Variants in NHSL2 observed in about 807,000 individuals in gnomAD.
NHSL2 encodes NHS-like protein 2.
Under a neutral mutation model 53.4 loss-of-function variants are expected in NHSL2, and 27 were observed. The ratio of observed to expected loss-of-function variants is 0.51; its 90% confidence interval spans 0.37 to 0.70. NHSL2 has a LOEUF of 0.70. Among genes scored for constraint, NHSL2 ranks in the 30% least tolerant of loss-of-function variants. The probability of loss-of-function intolerance (pLI) is 0.00; values close to 1 mark genes in which losing one functional copy is unlikely to be tolerated. For synonymous variants in NHSL2, 408 were observed against 404.1 expected (o/e 1.01, Z -0.12); for missense variants, 892 against 980.1 (o/e 0.91, Z 1.20).
chrX:71,940,543 C>A (rs1229992485), intron 1 of NHSL2, among the ~76,000 whole-genome samples: 1 of 111,281 alleles, frequency 9.0e-6, no homozygotes, highest in Non-Finnish European at 1.9e-5. Context: ...ACAATTGAGG[C>A]TTGAAGTCCC....
chrX:71,939,106 T>G (rs2041753663), intron 1 of NHSL2, among the ~76,000 whole-genome samples: 1 of 111,959 alleles, frequency 8.9e-6, no homozygotes, highest in Non-Finnish European at 1.9e-5. Context: ...CCTAGAGGAA[T>G]AGTCCTTCAT....
chrX:71,945,971 T>C (rs2041790623), intron 1 of NHSL2, among the ~76,000 whole-genome samples: 1 of 112,088 alleles, frequency 8.9e-6, no homozygotes, highest in Admixed American at 9.5e-5. Context: ...CAGGATTTGC[T>C]CAACAAAAAT....
chrX:72,069,596 GAGGAGGAGGAGGAGT>G (rs1296853996), intron 1 of NHSL2: 1 of 699,302 alleles, frequency 1.4e-6, no homozygotes. Context: ...ACAGGCAGAG[GAGGAGGAGGAGGAGT>G]AGGAGGAGGA....
chrX:71,992,966 C>A (rs111233540), intron 1 of NHSL2, among the ~76,000 whole-genome samples: 9,021 of 111,689 alleles, frequency 0.081, 373 homozygotes, highest in East Asian at 0.27. Context: ...TGGATTTGTT[C>A]CGTGTAGCTT....
intron 1 of NHSL2, among the ~76,000 whole-genome samples, chrX:72,085,317 C>G (rs1390524957): frequency 8.9e-6 from 1 of 112,426 alleles, no homozygotes; most frequent in Non-Finnish European, 1.9e-5. Context: ...TGCAAGATAG[C>G]AAAATAAGGG....
At chrX:72,136,470 AAG>A (rs1353036765) in intron 4 of NHSL2, among the ~76,000 whole-genome samples, 2 of 111,795 alleles carry the variant, frequency 1.8e-5, no homozygotes, top group South Asian at 3.8e-4. Flanking sequence ...CCAGGAAAAA[AAG>A]AGAGAGAGAG....
At chrX:71,977,581 C>T (rs1458200664) in intron 1 of NHSL2, among the ~76,000 whole-genome samples, 1 of 110,907 alleles carries the variant, frequency 9.0e-6, no homozygotes, top group Admixed American at 9.6e-5. Context: ...CCACCATGCC[C>T]AGCTAATTTT....
chrX:72,110,117 A>C (rs1282189656), intron 1 of NHSL2, among the ~76,000 whole-genome samples: 1 of 111,436 alleles, frequency 9.0e-6, no homozygotes, highest in Non-Finnish European at 1.9e-5. Flanking sequence ...CCAGCTTCTT[A>C]GTTGCCTAGA....
At chrX:72,125,235 T>C (rs1312178168) in intron 1 of NHSL2, among the ~76,000 whole-genome samples, 1 of 112,252 alleles carries the variant, frequency 8.9e-6, no homozygotes, top group Non-Finnish European at 1.9e-5. Context: ...CAGTGCATCC[T>C]TCCAGGTTAG....
intron 1 of NHSL2, among the ~76,000 whole-genome samples, chrX:72,083,701 A>C (rs1166152852): frequency 8.9e-6 from 1 of 112,417 alleles, no homozygotes; most frequent in African/African-American, 3.2e-5. Flanking sequence ...AGAAAAAAAA[A>C]CAATTCACTT....
rs901871643 is a variant in NHSL2 at position 72,072,821 on chromosome X, T to C, written c.281-59258T>C. On this transcript the variant is annotated intron_variant, in intron 1 of 7. Coordinates refer to ENST00000633930, the MANE Select transcript of NHSL2 (RefSeq NM_001013627.3). ...TTGTTATTGCATGTTTATCTCCTCC[T>C]AGTAAAATGTAAGCTTTTCTAGGGC... Among the ~76,000 whole-genome samples, 5 of 112,380 alleles carry C rather than the reference T, an allele frequency of 4.4e-5. No individual in the cohort carries two copies. In the South Asian group the frequency reaches 1.5e-3, roughly 33 times the overall value.
At chrX:72,071,668 C>T (rs887798884) in intron 1 of NHSL2, among the ~76,000 whole-genome samples, 1 of 111,144 alleles carries the variant, frequency 9.0e-6, no homozygotes, top group Admixed American at 9.5e-5. Flanking sequence ...CGATTGAACA[C>T]TCACTCCCAC....
chrX:72,021,164 C>T (rs2042158685), intron 1 of NHSL2, among the ~76,000 whole-genome samples: 1 of 112,641 alleles, frequency 8.9e-6, no homozygotes, highest in African/African-American at 3.2e-5. Flanking sequence ...AGTGAGAAGA[C>T]TTAAAGCTGT....
chrX:72,131,527 G>A (rs966523112), intron 1 of NHSL2: 1 of 1,187,906 alleles, frequency 8.4e-7, no homozygotes, highest in South Asian at 1.9e-5. Context: ...GAGATTTCCT[G>A]ACGCCTCAGA....
At chrX:72,055,208 G>A (rs935155175) in intron 1 of NHSL2, among the ~76,000 whole-genome samples, 5 of 111,954 alleles carry the variant, frequency 4.5e-5, no homozygotes, top group Non-Finnish European at 9.4e-5. Flanking sequence ...AAGTCCCTGC[G>A]CATCTAAACA....
In NHSL2 at chrX:72,130,918, T is replaced by C. The variant is rs777629758; in HGVS notation, c.281-1161T>C. On this transcript the variant is annotated intron_variant, in intron 1 of 7. Coordinates refer to ENST00000633930, the MANE Select transcript of NHSL2 (RefSeq NM_001013627.3). ...GTTGGCATGCAAGGGGCTTCCTTCC[T>C]GGGTGACCGAGATGGCCCAGTCCTT... The C allele has an allele frequency of 2.1e-5, 26 of 1,210,248 alleles. No homozygotes were observed. The East Asian group carries it at 7.4e-4, about 34-fold the overall frequency.
chrX:71,923,693 T>C (rs985645278), intron 1 of NHSL2, among the ~76,000 whole-genome samples: 4 of 111,767 alleles, frequency 3.6e-5, no homozygotes, highest in African/African-American at 1.3e-4. Flanking sequence ...CTCTCTATGG[T>C]GATGAAACAT....
intron 1 of NHSL2, among the ~76,000 whole-genome samples, chrX:72,011,591 A>G (rs1310690657): frequency 1.8e-5 from 2 of 110,963 alleles, no homozygotes; most frequent in Non-Finnish European, 1.9e-5. Context: ...AATTGCTTCA[A>G]CCTGGGAGGT....
chrX:72,043,889 C>T (rs1385680372), intron 1 of NHSL2, among the ~76,000 whole-genome samples: 1 of 111,812 alleles, frequency 8.9e-6, no homozygotes. Flanking sequence ...ACGAGGAAAC[C>T]GGCTGAGTCC....
Sources: allele counts gnomAD v4.1 joint callset (sites outside exome capture counted in the v4.1 genomes callset), GRCh38; gene constraint gnomAD v4.1.1; transcripts MANE v1.5; gene names NCBI Gene and HGNC (gene_info 2026-07-23, HGNC 2026-07-21).